GABRB1: variants seen among roughly 807,000 people sequenced by gnomAD.
GABRB1 encodes gamma-aminobutyric acid receptor subunit beta-1.
A neutral mutation model predicts 51.6 loss-of-function variants in GABRB1; 17 were observed. That is an observed-to-expected ratio of 0.33 (90% CI 0.23 to 0.49). GABRB1 has a LOEUF of 0.49. GABRB1 is among the 20% of genes least tolerant of loss of function. GABRB1 has a pLI of 0.99. For missense variants in GABRB1, 410 were observed against 600.6 expected, an observed-to-expected ratio of 0.68 and a Z score of 3.32; for synonymous variants, 247 against 218.9, an observed-to-expected ratio of 1.13 and a Z score of -1.14.
chr4:47,407,521 G>T (rs1377228456), intron 8 of GABRB1, among the ~76,000 whole-genome samples: 1 of 152,112 alleles, frequency 6.6e-6, no homozygotes, highest in Non-Finnish European at 1.5e-5. Context: ...TTAAATGAAT[G>T]ATCTGTTTAT....
chr4:47,383,712 A>G (rs988735833), intron 5 of GABRB1, among the ~76,000 whole-genome samples: 1 of 152,164 alleles, frequency 6.6e-6, no homozygotes, highest in Non-Finnish European at 1.5e-5. Flanking sequence ...CATACTCCTC[A>G]AAATGTTAGT....
intron 5 of GABRB1, among the ~76,000 whole-genome samples, chr4:47,341,472 C>G (rs1381898563): frequency 6.6e-6 from 1 of 152,100 alleles, no homozygotes; most frequent in Admixed American, 6.6e-5. Flanking sequence ...TAATTTTTCT[C>G]TTTTCATTAC....
chr4:47,141,109 A>G (rs535970037), intron 3 of GABRB1, among the ~76,000 whole-genome samples: 1 of 152,046 alleles, frequency 6.6e-6, no homozygotes, highest in South Asian at 2.1e-4. Flanking sequence ...AACAACTAAT[A>G]TCGCTATACT....
intron 8 of GABRB1, among the ~76,000 whole-genome samples, chr4:47,420,195 T>A (rs1321631221): frequency 6.6e-6 from 1 of 152,162 alleles, no homozygotes; most frequent in Admixed American, 6.5e-5. Flanking sequence ...TGCACCCTCT[T>A]AGGAAGCAGA....
At chr4:47,085,788 G>C (rs1042736201) in intron 3 of GABRB1, among the ~76,000 whole-genome samples, 3 of 152,164 alleles carry the variant, frequency 2.0e-5, no homozygotes, top group Non-Finnish European at 2.9e-5. Flanking sequence ...ACTGGGAAAA[G>C]CTTTGTTCAC....
intron 1 of GABRB1, among the ~76,000 whole-genome samples, chr4:47,020,298 C>T (rs916481846): frequency 6.6e-6 from 1 of 152,130 alleles, no homozygotes; most frequent in African/African-American, 2.4e-5. Context: ...TAGTCACATT[C>T]AAGGATAGGT....
At chr4:47,052,780 A>G (rs999377291) in intron 3 of GABRB1, among the ~76,000 whole-genome samples, 12 of 152,194 alleles carry the variant, frequency 7.9e-5, no homozygotes, top group Non-Finnish European at 1.5e-4. Context: ...CTGTCAATGT[A>G]TCCATCGCTT....
intron 4 of GABRB1, among the ~76,000 whole-genome samples, chr4:47,191,729 G>A (rs1311761723): frequency 6.6e-6 from 1 of 152,120 alleles, no homozygotes; most frequent in Admixed American, 6.6e-5. Context: ...GAACTAGGAA[G>A]CAGGAAGTGA....
intron 4 of GABRB1, among the ~76,000 whole-genome samples, chr4:47,178,678 A>G (rs921312144): frequency 1.3e-5 from 2 of 152,266 alleles, no homozygotes; most frequent in East Asian, 1.9e-4. Flanking sequence ...GGCAACGATG[A>G]ATGCCATTTT....
chr4:47,161,547 G>C, intron 4 of GABRB1, 78 bp downstream of exon 4: 2 of 1,131,926 alleles, frequency 1.8e-6, no homozygotes, highest in East Asian at 4.8e-5. Context: ...GGGCAAAGGG[G>C]AGAGAAGCAA....
At chr4:47,398,625 C>G (rs1728265404) in intron 5 of GABRB1, among the ~76,000 whole-genome samples, 1 of 152,184 alleles carries the variant, frequency 6.6e-6, no homozygotes, top group Non-Finnish European at 1.5e-5. Context: ...CGCACTGTCG[C>G]CCAGGATGGA....
At chr4:47,186,485 A>T (rs1719188702) in intron 4 of GABRB1, among the ~76,000 whole-genome samples, 1 of 151,968 alleles carries the variant, frequency 6.6e-6, no homozygotes, top group East Asian at 1.9e-4. Flanking sequence ...CTTGAAAAAT[A>T]TCTCTAGTAA....
At chr4:47,083,107 A>T (rs941001749) in intron 3 of GABRB1, among the ~76,000 whole-genome samples, 3 of 152,152 alleles carry the variant, frequency 2.0e-5, no homozygotes, top group African/African-American at 7.2e-5. Flanking sequence ...AGATTACTGT[A>T]CTCTACTTCT....
At chr4:47,141,541 A>T (rs189544310) in intron 3 of GABRB1, among the ~76,000 whole-genome samples, 1 of 152,080 alleles carries the variant, frequency 6.6e-6, no homozygotes, top group African/African-American at 2.4e-5. Flanking sequence ...TTTATGGACT[A>T]TGAAATTCAT....
chr4:47,420,309 G>A (rs1427942057), intron 8 of GABRB1, among the ~76,000 whole-genome samples: 1 of 152,134 alleles, frequency 6.6e-6, no homozygotes, highest in Non-Finnish European at 1.5e-5. Flanking sequence ...GAGGGGAGAA[G>A]GAGAAAAGAA....
At chr4:47,217,313 C>T (rs1258910360) in intron 4 of GABRB1, among the ~76,000 whole-genome samples, 1 of 151,754 alleles carries the variant, frequency 6.6e-6, no homozygotes, top group Non-Finnish European at 1.5e-5. Context: ...TGTACTTTTT[C>T]ATGTCTGATA....
At chr4:47,153,980 C>A (rs1328650971) in intron 3 of GABRB1, among the ~76,000 whole-genome samples, 2 of 151,862 alleles carry the variant, frequency 1.3e-5, no homozygotes. Context: ...CAAAACAAGA[C>A]TAAGGAATAA....
chr4:47,405,518 C>T (rs1407581192), intron 7 of GABRB1, among the ~76,000 whole-genome samples: 1 of 152,008 alleles, frequency 6.6e-6, no homozygotes, highest in South Asian at 2.1e-4. Flanking sequence ...TATTGTGTAA[C>T]ATTTCTATGC....
In GABRB1 at chr4:47,023,401, T is replaced by C. The variant is rs561969185; in HGVS notation, c.-19-8513T>C. Reference sequence around the variant, plus strand: ...CCCTTTCTGCATCATTCTTATTTTCTTTATAAAGTTTTATCTTTCTATTTT... The same window carrying C: ...CCCTTTCTGCATCATTCTTATTTTCCTTATAAAGTTTTATCTTTCTATTTT... On this transcript the variant is annotated intron_variant, in intron 1 of 3. Transcript: ENST00000513567. 1.2e-3 allele frequency among the ~76,000 whole-genome samples: 178 copies of C among 152,180 alleles called. 1 individual carries two copies. Among genetic ancestry groups the C allele is most frequent in the African/African-American group, 4.2e-3 (173 of 41,556 alleles).
Sources: allele counts gnomAD v4.1 joint callset (sites outside exome capture counted in the v4.1 genomes callset), GRCh38; gene constraint gnomAD v4.1.1; transcripts MANE v1.5; gene names NCBI Gene and HGNC (gene_info 2026-07-23, HGNC 2026-07-21).